SYNE3: variants seen among roughly 807,000 people sequenced by gnomAD.
SYNE3 encodes nesprin-3.
A neutral mutation model predicts 111.2 loss-of-function variants in SYNE3; 100 were observed. The ratio of observed to expected loss-of-function variants is 0.90; its 90% confidence interval spans 0.77 to 1.06. SYNE3 has a LOEUF of 1.06. SYNE3 is among the 50% of genes least tolerant of loss of function. The pLI is 0.00. For synonymous variants in SYNE3, 547 were observed against 533.9 expected, an observed-to-expected ratio of 1.02 and a Z score of -0.34; for missense variants, 1,160 against 1,240.3, an observed-to-expected ratio of 0.94 and a Z score of 0.97.
At chr14:95,444,867 A>AC (rs1189467947) in intron 9 of SYNE3, among the ~76,000 whole-genome samples, 1 of 151,672 alleles carries the variant, frequency 6.6e-6, no homozygotes, top group Non-Finnish European at 1.5e-5. Context: ...GGCAAGCTAC[A>AC]CCCCTCCACC....
rs4905333 is a variant in SYNE3 at position 95,498,583 on chromosome 14, C to A, written c.-15+18013G>T. The stretch of plus-strand genomic sequence containing the variant: ...AAAAAGTTAAGAGTATTAAGTCCAG[C>A]ATTCAAGTTACATGAGACAGAAAAG... On this transcript the variant is annotated intron_variant, in intron 1 of 17. Coordinates refer to ENST00000682763, the MANE Select transcript of SYNE3 (RefSeq NM_152592.6). Among the ~76,000 whole-genome samples, 1,315 of 152,296 alleles carry A rather than the reference C, an allele frequency of 8.6e-3. 46 individuals carry two copies. The East Asian group carries it at 0.12, about 14-fold the overall frequency.
rs59220960 is a variant in SYNE3 at position 95,415,276 on chromosome 14, G to GCCCCCCCCCCCCCCCCCCCCCCC, written c.*2549_*2550insGGGGGGGGGGGGGGGGGGGGGGG. ...CATAGGAAAGTGGACACCTGGCAAG[G>GCCCCCCCCCCCCCCCCCCCCCCC]CCCCCCCACCCACCCACCCTGCCAC... On this transcript the variant is annotated 3_prime_UTR_variant, in exon 18 of 18. Coordinates refer to ENST00000682763, the MANE Select transcript of SYNE3 (RefSeq NM_152592.6). The GCCCCCCCCCCCCCCCCCCCCCCC allele has an allele frequency of 1.0e-3, 144 of 139,610 alleles. No homozygotes were observed. Among genetic ancestry groups the GCCCCCCCCCCCCCCCCCCCCCCC allele is most frequent in the Admixed American group, 1.8e-3 (24 of 13,666 alleles). The allele number at this position is 139,610 out of a possible 1,614,324, so 8.6% of individuals were successfully genotyped here.
intron 9 of SYNE3, 129 bp downstream of exon 9, chr14:95,445,780 G>T: frequency 1.0e-6 from 1 of 980,744 alleles, no homozygotes; most frequent in Non-Finnish European, 1.5e-6. Context: ...GGGACAAAGG[G>T]ATACACCCAG....
Position 95,439,947 on chromosome 14 carries a change from C to T in SYNE3, c.2040G>A (p.Pro680=), listed in dbSNP as rs184465424. The change falls in exon 12 of 18, where the codon CCG becomes CCA. Residue 680 remains proline (P), a synonymous_variant. Transcript: ENST00000682763. ...KLEAHRGEAG[P]GDAESQEAEF... Reference sequence around the variant, plus strand: ...CGGCCTCTTGGGACTCGGCATCCCCCGGGCCCGCCTCTCCCCGGTGTGCCT... The same window carrying T: ...CGGCCTCTTGGGACTCGGCATCCCCTGGGCCCGCCTCTCCCCGGTGTGCCT... 3.1e-5 allele frequency: 50 copies of T among 1,613,444 alleles called. No individual in the cohort carries two copies. Among genetic ancestry groups the T allele is most frequent in the Admixed American group, 3.0e-4 (18 of 59,952 alleles).
intron 4 of SYNE3, among the ~76,000 whole-genome samples, chr14:95,460,527 C>T (rs1425925709): frequency 6.6e-6 from 1 of 152,050 alleles, no homozygotes; most frequent in Non-Finnish European, 1.5e-5. Context: ...AGTCAAAAGC[C>T]TATTTTAAAG....
rs555575815 is a variant in SYNE3, at chr14:95,464,016, G to C, written c.627+1915C>G. 3.3e-5 allele frequency among the ~76,000 whole-genome samples: 5 copies of C among 152,362 alleles called. No homozygotes were observed. The South Asian group carries it at 8.3e-4, about 25-fold the overall frequency. On this transcript the variant is annotated intron_variant, in intron 4 of 17. Coordinates refer to ENST00000682763, the MANE Select transcript of SYNE3 (RefSeq NM_152592.6). ...CCTGAGGCCACACAGCTGGGAAGCA[G>C]CAGTGCCTGGCCTGGAATCCAAGTC... is the stretch of plus-strand genomic sequence containing the variant.
intron 17 of SYNE3, among the ~76,000 whole-genome samples, chr14:95,418,954 C>T (rs1171866210): frequency 6.6e-6 from 1 of 152,178 alleles, no homozygotes; most frequent in Non-Finnish European, 1.5e-5. Context: ...TCTTCCTCCT[C>T]CTCCTTTTAT....
chr14:95,422,960 C>T (rs11622847), intron 17 of SYNE3, among the ~76,000 whole-genome samples: 4,609 of 152,272 alleles, frequency 0.03, 96 homozygotes, highest in East Asian at 0.058. Flanking sequence ...CCACTTCTGA[C>T]TTGGATGTTG....
intron 1 of SYNE3, among the ~76,000 whole-genome samples, chr14:95,502,378 C>T (rs1890369800): frequency 6.6e-6 from 1 of 151,386 alleles, no homozygotes. Flanking sequence ...GAGAGGGAGA[C>T]TTGCTCTGGG....
At chr14:95,467,171 C>T (rs1339335702) in intron 3 of SYNE3, among the ~76,000 whole-genome samples, 1 of 152,176 alleles carries the variant, frequency 6.6e-6, no homozygotes, top group Admixed American at 6.5e-5. Context: ...CATGCACATC[C>T]TTGCTTTATA....
chr14:95,418,367 G>A (rs1884873605), intron 17 of SYNE3, among the ~76,000 whole-genome samples: 1 of 152,158 alleles, frequency 6.6e-6, no homozygotes. Context: ...CTCATCTTCA[G>A]ATGGGGCAAT....
chr14:95,483,827 T>C (rs1889396214), intron 1 of SYNE3, among the ~76,000 whole-genome samples: 1 of 152,128 alleles, frequency 6.6e-6, no homozygotes, highest in Non-Finnish European at 1.5e-5. Flanking sequence ...CCACCCTCTG[T>C]CCACCAGCTA....
rs181357367 is a variant in SYNE3, at chr14:95,440,187, C to T, written c.1912-112G>A. Reference sequence around the variant, plus strand: ...ACACCCGCTGGGGACCCCAGGGCTCCCCACCAAGTAGCACCACAAGAGGCT... The same window carrying T: ...ACACCCGCTGGGGACCCCAGGGCTCTCCACCAAGTAGCACCACAAGAGGCT... On this transcript the variant is annotated intron_variant, in intron 11 of 17. Transcript: ENST00000682763. 1.4e-4 allele frequency: 175 copies of T among 1,264,466 alleles called. 1 individual carries two copies. In the East Asian group the frequency reaches 3.8e-3, roughly 27 times the overall value. The allele number at this position is 1,264,466 out of a possible 1,614,324, so 78.3% of individuals were successfully genotyped here.
chr14:95,439,103 A>C lies in SYNE3; in HGVS notation c.2306T>G (p.Phe769Cys). 1 of 1,614,266 alleles carries C rather than the reference A, an allele frequency of 6.2e-7. No individual in the cohort carries two copies. Among genetic ancestry groups the C allele is most frequent in the East Asian group, 2.2e-5 (1 of 44,890 alleles). Reference protein sequence around the residue: ...MEVDSGKKMVFTNNIPKSGFL... With the variant: ...MEVDSGKKMVCTNNIPKSGFL... ...TCCTGACTTTGGGATGTTGTTGGTGAAAACCATTTTCTTCCCCGAATCCAC... is the reference window on the plus strand; with the variant it reads ...TCCTGACTTTGGGATGTTGTTGGTGCAAACCATTTTCTTCCCCGAATCCAC... Residue 769 changes from phenylalanine (F) to cysteine (C), a missense_variant, in exon 14 of 18, where the codon TTC becomes TGC. Phe to Cys is a radical substitution (Grantham distance 205, BLOSUM62 -2). Transcript: ENST00000682763.
At chr14:95,478,474 T>G (rs1178743050) in intron 1 of SYNE3, among the ~76,000 whole-genome samples, 1 of 152,152 alleles carries the variant, frequency 6.6e-6, no homozygotes, top group Non-Finnish European at 1.5e-5. Context: ...ACCAGACTGC[T>G]CTGGGTCCTC....
intron 17 of SYNE3, 40 bp from the exon 18 acceptor site, chr14:95,418,066 C>G (rs1227136612): frequency 6.3e-7 from 1 of 1,598,168 alleles, no homozygotes; most frequent in African/African-American, 1.3e-5. Context: ...GGCTGGGGGG[C>G]TCTGGTGGTG....
At chr14:95,463,445 C>T (rs901860441) in intron 4 of SYNE3, among the ~76,000 whole-genome samples, 2 of 152,214 alleles carry the variant, frequency 1.3e-5, no homozygotes, top group Non-Finnish European at 2.9e-5. Context: ...TACATGCAAA[C>T]CTGCACACAC....
intron 1 of SYNE3, among the ~76,000 whole-genome samples, chr14:95,484,416 G>C (rs1233053022): frequency 1.3e-5 from 2 of 152,186 alleles, no homozygotes; most frequent in Non-Finnish European, 2.9e-5. Context: ...GTTCAAGGGG[G>C]CTCCTGAGGG....
At position 95,445,621 on chromosome 14, in the gene SYNE3, C is replaced by G. The variant is rs142936871; in HGVS notation, c.1632+288G>C. On this transcript the variant is annotated intron_variant, in intron 9 of 17. Transcript: ENST00000682763. ...ATTTTCTTATTTGACCCTCCTGTCA[C>G]TCTCTGCAGAAGACTGGACTGGATT... 5.5e-3 allele frequency among the ~76,000 whole-genome samples: 834 copies of G among 152,360 alleles called. 9 individuals carry two copies. Among genetic ancestry groups the G allele is most frequent in the Middle Eastern group, 0.01 (3 of 294 alleles).
Sources: gnomAD v4.1 joint callset for allele counts (sites outside exome capture counted in the v4.1 genomes callset) on GRCh38, gnomAD v4.1.1 for gene constraint, MANE v1.5 for transcripts, NCBI Gene and HGNC (gene_info 2026-07-23, HGNC 2026-07-21) for gene names.